Variants in LRRTM4 observed in about 807,000 individuals in gnomAD.
LRRTM4 encodes leucine rich repeat transmembrane neuronal 4.
A neutral mutation model predicts 47.6 loss-of-function variants in LRRTM4; 25 were observed. That is an observed-to-expected ratio of 0.53 (90% confidence interval 0.38 to 0.73). The LOEUF (loss-of-function observed/expected upper bound fraction) is 0.73, where lower values mean the gene tolerates loss of function less well. LRRTM4 is among the 30% of genes least tolerant of loss of function. The pLI is 0.00. For missense variants in LRRTM4, 638 were observed against 713.4 expected (o/e 0.89, Z 1.20); for synonymous variants, 311 against 269.5 (o/e 1.15, Z -1.51).
intron 3 of LRRTM4, among the ~76,000 whole-genome samples, chr2:76,910,848 T>G (rs527251677): frequency 5.9e-5 from 9 of 152,342 alleles, no homozygotes; most frequent in African/African-American, 1.9e-4. Flanking sequence ...CATTAGAGCC[T>G]ATCTGTCTTT....
At chr2:77,183,643 G>A (rs2103862122) in intron 3 of LRRTM4, among the ~76,000 whole-genome samples, 2 of 152,186 alleles carry the variant, frequency 1.3e-5, no homozygotes, top group Admixed American at 1.3e-4. Context: ...TATGTTTATT[G>A]TGGCACTATT....
chr2:76,756,692 T>A (rs1184083003), intron 3 of LRRTM4, among the ~76,000 whole-genome samples: 2 of 152,126 alleles, frequency 1.3e-5, no homozygotes, highest in Admixed American at 1.3e-4. Context: ...TCTCTTTAAA[T>A]GGAGGCCCAT....
chr2:76,753,655 T>A (rs1446248642), intron 3 of LRRTM4, among the ~76,000 whole-genome samples: 1 of 152,096 alleles, frequency 6.6e-6, no homozygotes, highest in Non-Finnish European at 1.5e-5. Context: ...TTTTTCAATG[T>A]TGGGAGGCAG....
At chr2:77,013,566 T>A (rs1193140464) in intron 3 of LRRTM4, among the ~76,000 whole-genome samples, 1 of 151,264 alleles carries the variant, frequency 6.6e-6, no homozygotes, top group Non-Finnish European at 1.5e-5. Flanking sequence ...ATATCCTAGA[T>A]CTTCCAAAAC....
intron 3 of LRRTM4, among the ~76,000 whole-genome samples, chr2:76,960,121 C>T (rs1009801753): frequency 2.6e-5 from 4 of 151,668 alleles, no homozygotes; most frequent in African/African-American, 9.6e-5. Flanking sequence ...TCTTTCTCTC[C>T]ATCATCCTAA....
intron 3 of LRRTM4, among the ~76,000 whole-genome samples, chr2:77,283,317 A>G (rs1676557884): frequency 6.6e-6 from 1 of 151,994 alleles, no homozygotes; most frequent in Non-Finnish European, 1.5e-5. Context: ...ATAAAAAGTC[A>G]AAAAACAAGA....
intron 3 of LRRTM4, among the ~76,000 whole-genome samples, chr2:77,085,947 T>C (rs1185183155): frequency 1.3e-5 from 2 of 152,148 alleles, no homozygotes; most frequent in African/African-American, 4.8e-5. Context: ...GAAATTTCTT[T>C]ATGCTATTGT....
intron 3 of LRRTM4, among the ~76,000 whole-genome samples, chr2:77,375,549 A>G (rs184281108): frequency 1.3e-5 from 2 of 151,922 alleles, no homozygotes; most frequent in East Asian, 3.9e-4. Flanking sequence ...GAACTTAATC[A>G]TCTTGTATAA....
At chr2:77,226,544 T>C (rs1012026483) in intron 3 of LRRTM4, among the ~76,000 whole-genome samples, 46 of 15,558 alleles carry the variant, frequency 3.0e-3, no homozygotes, top group African/African-American at 5.0e-3. Flanking sequence ...TATACATATA[T>C]ATATATATAT....
At chr2:77,217,637 T>A (rs1477899678) in intron 3 of LRRTM4, among the ~76,000 whole-genome samples, 1 of 151,704 alleles carries the variant, frequency 6.6e-6, no homozygotes, top group Non-Finnish European at 1.5e-5. Flanking sequence ...TGCTGAAATG[T>A]TCCATGTCCC....
intron 3 of LRRTM4, among the ~76,000 whole-genome samples, chr2:77,375,042 T>C (rs556576454): frequency 4.0e-5 from 6 of 151,876 alleles, no homozygotes; most frequent in African/African-American, 1.2e-4. Flanking sequence ...GTCCAAAATT[T>C]TTGTAATACA....
chr2:77,025,618 G>A (rs1011987017), intron 3 of LRRTM4, among the ~76,000 whole-genome samples: 1 of 151,964 alleles, frequency 6.6e-6, no homozygotes, highest in South Asian at 2.1e-4. Context: ...CCTCTCAGTT[G>A]TACAATAGCT....
intron 3 of LRRTM4, among the ~76,000 whole-genome samples, chr2:77,062,665 T>A (rs1479076054): frequency 6.6e-6 from 1 of 152,148 alleles, no homozygotes; most frequent in East Asian, 1.9e-4. Context: ...GGTTCCTTTT[T>A]TTTCTCTCTG....
chr2:77,508,813 A>T (rs892302249), intron 3 of LRRTM4, among the ~76,000 whole-genome samples: 3 of 152,148 alleles, frequency 2.0e-5, no homozygotes, highest in African/African-American at 7.2e-5. Flanking sequence ...TATATGCAGT[A>T]GAGCAATATC....
chr2:76,864,747 GTCTC>G (rs998968961), intron 3 of LRRTM4, among the ~76,000 whole-genome samples: 10 of 151,368 alleles, frequency 6.6e-5, no homozygotes, highest in Admixed American at 1.3e-4. Context: ...TTAAGACAAG[GTCTC>G]TCTGTTTTTC....
intron 3 of LRRTM4, among the ~76,000 whole-genome samples, chr2:76,881,028 T>C (rs566006882): frequency 6.6e-6 from 1 of 152,292 alleles, no homozygotes; most frequent in South Asian, 2.1e-4. Context: ...TAGTGTTCTA[T>C]AGTACCGTAG....
intron 3 of LRRTM4, among the ~76,000 whole-genome samples, chr2:77,035,331 G>C (rs929601268): frequency 6.6e-6 from 1 of 151,370 alleles, no homozygotes; most frequent in African/African-American, 2.4e-5. Flanking sequence ...TTCCCCCGAT[G>C]ATAATATCTT....
intron 3 of LRRTM4, among the ~76,000 whole-genome samples, chr2:77,282,158 C>T (rs1676523720): frequency 1.3e-5 from 2 of 151,750 alleles, no homozygotes; most frequent in Admixed American, 6.6e-5. Context: ...CTTTCACCTC[C>T]TTGGTTAGAT....
At chr2:76,848,058 A>G (rs1028813404) in intron 3 of LRRTM4, among the ~76,000 whole-genome samples, 1 of 152,140 alleles carries the variant, frequency 6.6e-6, no homozygotes, top group East Asian at 1.9e-4. Flanking sequence ...CCATCCAGAG[A>G]GCTCATTCTT....
Sources: allele counts gnomAD v4.1 joint callset (sites outside exome capture counted in the v4.1 genomes callset), GRCh38; gene constraint gnomAD v4.1.1; transcripts MANE v1.5; gene names NCBI Gene and HGNC (gene_info 2026-07-23, HGNC 2026-07-21).